The following RBFOX1 variants were observed in gnomAD, a reference collection of about 807,000 sequenced individuals.
RBFOX1 encodes RNA binding fox-1 homolog 1.
A neutral mutation model predicts 57.7 loss-of-function variants in RBFOX1; 8 were observed. That is an observed-to-expected ratio of 0.14 (90% CI 0.08 to 0.25). RBFOX1 has a LOEUF of 0.25. RBFOX1 is among the 10% of genes least tolerant of loss of function. The pLI is 1.00. For missense variants in RBFOX1, 611 were observed against 548.5 expected (o/e 1.11, Z -1.14); for synonymous variants, 326 against 222.4 (o/e 1.47, Z -4.15).
chr16:7,665,708 C>T (rs142514629), intron 13 of RBFOX1, among the ~76,000 whole-genome samples: 1 of 152,050 alleles, frequency 6.6e-6, no homozygotes, highest in Non-Finnish European at 1.5e-5. Flanking sequence ...TTGGAGTAAA[C>T]ACAATTTTGA....
At chr16:5,957,494 G>C (rs1302917811) in intron 4 of RBFOX1, among the ~76,000 whole-genome samples, 4 of 152,092 alleles carry the variant, frequency 2.6e-5, no homozygotes, top group South Asian at 2.1e-4. Context: ...CAAAGTACTG[G>C]GATTACAGGC....
chr16:7,454,313 G>T (rs1006381409), intron 4 of RBFOX1, among the ~76,000 whole-genome samples: 1 of 152,194 alleles, frequency 6.6e-6, no homozygotes, highest in Non-Finnish European at 1.5e-5. Context: ...AGGATCGGTA[G>T]ACAGAATGCT....
intron 4 of RBFOX1, among the ~76,000 whole-genome samples, chr16:7,067,147 C>T (rs774211720): frequency 6.6e-6 from 1 of 152,138 alleles, no homozygotes; most frequent in Non-Finnish European, 1.5e-5. Context: ...GTGACATGGG[C>T]CCGGAGAACT....
intron 4 of RBFOX1, among the ~76,000 whole-genome samples, chr16:7,342,642 A>T (rs924538128): frequency 6.6e-6 from 1 of 152,148 alleles, no homozygotes; most frequent in Non-Finnish European, 1.5e-5. Flanking sequence ...GCAAGGACAC[A>T]TGTGTTTGGC....
intron 1 of RBFOX1, among the ~76,000 whole-genome samples, chr16:5,324,306 T>C (rs1453641668): frequency 6.6e-6 from 1 of 152,040 alleles, no homozygotes; most frequent in Non-Finnish European, 1.5e-5. Flanking sequence ...CTACTAAAAA[T>C]GCAAAAATTA....
intron 3 of RBFOX1, among the ~76,000 whole-genome samples, chr16:5,818,393 C>T (rs965879693): frequency 6.6e-6 from 1 of 152,148 alleles, no homozygotes; most frequent in South Asian, 2.1e-4. Flanking sequence ...ACCATTGTGT[C>T]CTATTTCCTG....
intron 12 of RBFOX1, among the ~76,000 whole-genome samples, chr16:7,662,473 G>A (rs1030460650): frequency 6.6e-6 from 1 of 152,118 alleles, no homozygotes; most frequent in South Asian, 2.1e-4. Flanking sequence ...GCCTTCTCAT[G>A]CCCACCCTTC....
intron 2 of RBFOX1, among the ~76,000 whole-genome samples, chr16:6,548,750 G>C (rs1284762581): frequency 2.6e-5 from 4 of 152,070 alleles, no homozygotes; most frequent in Non-Finnish European, 4.4e-5. Context: ...ACCAGGCATC[G>C]TTAGGTTTCT....
intron 3 of RBFOX1, among the ~76,000 whole-genome samples, chr16:6,946,052 G>T (rs1206294516): frequency 6.6e-6 from 1 of 152,192 alleles, no homozygotes; most frequent in East Asian, 1.9e-4. Flanking sequence ...GGAAATGTGA[G>T]GGAATTAAAG....
chr16:7,694,763 C>A (rs578094531), intron 14 of RBFOX1, among the ~76,000 whole-genome samples: 10 of 152,074 alleles, frequency 6.6e-5, no homozygotes, highest in African/African-American at 2.4e-4. Context: ...ATTTTCAGAG[C>A]CTTAGTGGAA....
At chr16:5,848,124 T>G (rs1248835234) in intron 3 of RBFOX1, among the ~76,000 whole-genome samples, 1 of 152,122 alleles carries the variant, frequency 6.6e-6, no homozygotes, top group East Asian at 1.9e-4. Flanking sequence ...ACATCTGTGC[T>G]AAGTGAAAAT....
At chr16:6,846,079 T>C (rs142000860) in intron 3 of RBFOX1, among the ~76,000 whole-genome samples, 1 of 152,344 alleles carries the variant, frequency 6.6e-6, no homozygotes, top group East Asian at 1.9e-4. Flanking sequence ...TGTCCATTCA[T>C]ATTTCTGTAC....
intron 3 of RBFOX1, among the ~76,000 whole-genome samples, chr16:6,925,135 T>G (rs1420630440): frequency 3.9e-5 from 4 of 101,902 alleles, no homozygotes; most frequent in South Asian, 4.1e-4. Flanking sequence ...TTTTTTTTTT[T>G]TTTTTTTTTT....
intron 14 of RBFOX1, among the ~76,000 whole-genome samples, chr16:7,699,929 A>T (rs755650108): frequency 2.0e-5 from 3 of 152,168 alleles, no homozygotes; most frequent in Non-Finnish European, 2.9e-5. Flanking sequence ...AGGAGTTAAA[A>T]TGTTGTGACA....
intron 15 of RBFOX1, 77 bp downstream of exon 15, chr16:7,709,208 T>G: frequency 7.5e-7 from 1 of 1,338,736 alleles, no homozygotes; most frequent in Non-Finnish European, 1.0e-6. Context: ...CAGTACGGGT[T>G]GACGTCCTCT....
chr16:5,737,551 A>G (rs977585660), intron 3 of RBFOX1, among the ~76,000 whole-genome samples: 1 of 144,618 alleles, frequency 6.9e-6, no homozygotes, highest in Non-Finnish European at 1.5e-5. Flanking sequence ...TTGCCTGTCC[A>G]TGTACTACAA....
chr16:7,010,406 A>T (rs1184945472), intron 3 of RBFOX1, among the ~76,000 whole-genome samples: 1 of 152,068 alleles, frequency 6.6e-6, no homozygotes, highest in Non-Finnish European at 1.5e-5. Flanking sequence ...CTTGGTGATT[A>T]TTATATGCAT....
intron 1 of RBFOX1, among the ~76,000 whole-genome samples, chr16:5,240,471 A>G (rs1401845484): frequency 6.6e-6 from 1 of 151,658 alleles, no homozygotes; most frequent in Non-Finnish European, 1.5e-5. Flanking sequence ...TGTCGGTCCC[A>G]CCTGGCGGGG....
At position 7,692,426 on chromosome 16, in the gene RBFOX1, G is replaced by C. The variant is rs561158704; in HGVS notation, c.995+15588G>C. Among the ~76,000 whole-genome samples the C allele has an allele frequency of 5.0e-4, 76 of 152,054 alleles. No individual in the cohort carries two copies. In the South Asian group the frequency reaches 0.015, roughly 30 times the overall value. ...TACCTTTTGAAGCACTGAAACATTT[G>C]AACAAAACCAATCATACTAAGAAGA... On this transcript the variant is annotated intron_variant, in intron 14 of 15. Transcript: ENST00000550418.
Sources: gnomAD v4.1 joint callset for allele counts (sites outside exome capture counted in the v4.1 genomes callset) on GRCh38, gnomAD v4.1.1 for gene constraint, MANE v1.5 for transcripts, NCBI Gene and HGNC (gene_info 2026-07-23, HGNC 2026-07-21) for gene names.